The following SCAP variants were observed in gnomAD, a reference collection of about 807,000 sequenced individuals.
SCAP encodes the protein SREBF chaperone.
Under a neutral mutation model 123.6 loss-of-function variants are expected in SCAP, and 65 were observed. The observed-to-expected ratio is 0.53, with a 90% CI of 0.43 to 0.65. SCAP has a LOEUF of 0.65. Among genes scored for constraint, SCAP ranks in the 30% least tolerant of loss-of-function variants. The probability of loss-of-function intolerance (pLI) is 0.00; values close to 1 mark genes in which losing one functional copy is unlikely to be tolerated. For missense variants in SCAP, 1,398 were observed against 1,712.5 expected, an observed-to-expected ratio of 0.82 and a Z score of 3.24; for synonymous variants, 740 against 726.3, an observed-to-expected ratio of 1.02 and a Z score of -0.30.
At position 47,417,698 on chromosome 3, in the gene SCAP, C is replaced by CGGGGGCGGTGTCTCAGGG; in HGVS notation, c.2558_2575dup (p.Pro853_Pro858dup). On this transcript the variant is annotated inframe_insertion, in exon 17 of 23. Transcript: ENST00000265565. ...GAAGAGGGAAGGCGGCGGAGGGCCC[C>CGGGGGCGGTGTCTCAGGG]GGGGGCGGTGTCTCAGGGGAGGGCT... The CGGGGGCGGTGTCTCAGGG allele has an allele frequency of 1.2e-6, 2 of 1,607,838 alleles. No homozygotes were observed. Among genetic ancestry groups the CGGGGGCGGTGTCTCAGGG allele is most frequent in the Non-Finnish European group, 1.7e-6 (2 of 1,178,460 alleles).
At chr3:47,473,862 A>C (rs1708163054) in intron 1 of SCAP, among the ~76,000 whole-genome samples, 1 of 152,146 alleles carries the variant, frequency 6.6e-6, no homozygotes, top group Non-Finnish European at 1.5e-5. Context: ...CTTTTTACCC[A>C]CCTAATGACA....
Position 47,423,940 on chromosome 3 carries a change from G to C in SCAP, c.1143C>G (p.Ile381Met). 6.2e-7 allele frequency: 1 copy of C among 1,613,328 alleles called. No individual in the cohort carries two copies. The highest frequency in any genetic ancestry group is 8.5e-7 in the Non-Finnish European group (1 of 1,179,298). ...TPVDLEVKLR[I>M]AQGLSSESWS... is the part of the protein sequence containing the mutation. ...ACTCTCCCACTGCGTTACCTTGGGC[G>C]ATCCGCAGCTTCACCTCCAGGTCTA... The change falls in exon 9 of 23, where the codon ATC (isoleucine) becomes ATG (methionine). Residue 381 changes from isoleucine to methionine, a missense_variant. Transcript: ENST00000265565.
rs561796480 is a variant in SCAP at position 47,437,667 on chromosome 3, G to A, written c.123-2530C>T. ...CTTAAGTGGGAGGATCGCTTGAGCC[G>A]GGAGGCTGAGGCTGCAATAAGCCAT... On this transcript the variant is annotated intron_variant, in intron 2 of 22. Transcript: ENST00000265565. 3.2e-4 allele frequency among the ~76,000 whole-genome samples: 48 copies of A among 152,064 alleles called. No homozygotes were observed. The South Asian group carries it at 6.4e-3, about 20-fold the overall frequency.
At chr3:47,465,444 T>C (rs1707787856) in intron 1 of SCAP, among the ~76,000 whole-genome samples, 3 of 152,140 alleles carry the variant, frequency 2.0e-5, no homozygotes, top group Admixed American at 2.0e-4. Flanking sequence ...ACGCAATCCA[T>C]ATCAAAATGC....
chr3:47,452,512 C>T (rs894888521), intron 1 of SCAP, among the ~76,000 whole-genome samples: 1 of 152,148 alleles, frequency 6.6e-6, no homozygotes, highest in African/African-American at 2.4e-5. Flanking sequence ...GCTAATAATC[C>T]CCTCTCTCTG....
chr3:47,462,572 T>C (rs950344771), intron 1 of SCAP, among the ~76,000 whole-genome samples: 1 of 151,816 alleles, frequency 6.6e-6, no homozygotes, highest in Non-Finnish European at 1.5e-5. Flanking sequence ...GCTAACACGG[T>C]GAAACCCCGT....
rs970080929 is a variant in SCAP at position 47,413,834 on chromosome 3, TG to T, written c.*19del. 1.9e-6 allele frequency: 3 copies of T among 1,605,420 alleles called. No individual in the cohort carries two copies. The African/African-American group carries it at 4.0e-5, about 21-fold the overall frequency. On this transcript the variant is annotated 3_prime_UTR_variant, in exon 23 of 23. Transcript: ENST00000265565. The stretch of plus-strand genomic sequence containing the variant: ...CCACACAGCACCCCAGCCTCCTGCC[TG>T]GGCAAGGAGGCCCTGCGCTCAGTCC...
intron 1 of SCAP, 184 bp downstream of exon 1, chr3:47,475,615 G>A (rs1005048462): frequency 6.6e-6 from 1 of 152,270 alleles, no homozygotes; most frequent in Non-Finnish European, 1.5e-5. Flanking sequence ...TTGGGGGTGG[G>A]GACGCGCGGC....
chr3:47,419,783 G>A lies in SCAP; in HGVS notation c.1564-79C>T. 1 of 1,472,554 alleles carries A rather than the reference G, an allele frequency of 6.8e-7. No individual in the cohort carries two copies. The highest frequency in any genetic ancestry group is 9.1e-7 in the Non-Finnish European group (1 of 1,104,036). 91.2% of individuals were successfully genotyped at this position (1,472,554 alleles called of 1,614,324 possible). ...GCTTCAGCCCTCATGCTGAGAGGAA[G>A]CAGCACAGGGACCTCAGGCCTGGGG... On this transcript the variant is annotated intron_variant, in intron 12 of 22. Coordinates refer to ENST00000265565, the MANE Select transcript of SCAP (RefSeq NM_012235.4). This position sits in a 1 kb window ranked among gnomAD's most constrained non-coding sequence, Gnocchi z 5.0.
Position 47,414,933 on chromosome 3 carries a change from G to A in SCAP, c.3200C>T (p.Ala1067Val), listed in dbSNP as rs1305127011. 8 of 1,612,298 alleles carry A rather than the reference G, an allele frequency of 5.0e-6. No homozygotes were observed. The highest frequency in any genetic ancestry group is 1.3e-5 in the African/African-American group (1 of 74,918). ...SPVYSSSDTV[A>V]CHLTHTVPCA... is the part of the protein sequence containing the mutation. ...GGGCACTGTGTGGGTCAGGTGACAG[G>A]CCACTGTGTCGCTGCTGCTGTACAC... Residue 1067 changes from alanine to valine, a missense_variant, in exon 20 of 23, where the codon GCC becomes GTC. Ala to Val is a moderately conservative substitution (Grantham distance 64). This residue lies in a region of SCAP where 828 missense variants were observed against 882.5 expected (regional missense o/e 0.94). Transcript: ENST00000265565.
chr3:47,475,843 C>T lies in SCAP; in HGVS notation c.-143G>A. On this transcript the variant is annotated 5_prime_UTR_variant, in exon 1 of 23. Transcript: ENST00000265565. Reference sequence around the variant, plus strand: ...CAAGCTGCGGCGGCGGCGGCGGCGGCGACGGGGGCGGCAGCAGGGGCGGAG... The same window carrying T: ...CAAGCTGCGGCGGCGGCGGCGGCGGTGACGGGGGCGGCAGCAGGGGCGGAG... 6.2e-6 allele frequency: 1 copy of T among 160,956 alleles called. No homozygotes were observed. Among genetic ancestry groups the T allele is most frequent in the Non-Finnish European group, 1.3e-5 (1 of 74,932 alleles). 10.0% of individuals were successfully genotyped at this position (160,956 alleles called of 1,614,324 possible).
At chr3:47,418,005 G>T (rs1335716976) in intron 16 of SCAP, 129 bp downstream of exon 16, 6 of 586,970 alleles carry the variant, frequency 1.0e-5, no homozygotes, top group East Asian at 3.2e-5. Context: ...GTGCGGGGGT[G>T]GGGGGAGAGG....
chr3:47,422,031 A>G (rs1449210186), intron 10 of SCAP, among the ~76,000 whole-genome samples: 4 of 152,276 alleles, frequency 2.6e-5, no homozygotes. Flanking sequence ...AAGGGAGGAG[A>G]CCGGAGGAAG....
intron 3 of SCAP, among the ~76,000 whole-genome samples, chr3:47,429,798 T>A (rs1706287725): frequency 6.6e-6 from 1 of 152,188 alleles, no homozygotes; most frequent in Non-Finnish European, 1.5e-5. Flanking sequence ...ACAGAGGCCG[T>A]CTGGCCCGCA....
intron 2 of SCAP, among the ~76,000 whole-genome samples, chr3:47,440,940 T>A (rs975295620): frequency 6.6e-6 from 1 of 151,848 alleles, no homozygotes. Context: ...TCTCACTCTT[T>A]CGCCAGGCTA....
At chr3:47,462,753 CAAAAAAA>C (rs369097240) in intron 1 of SCAP, among the ~76,000 whole-genome samples, 16 of 79,612 alleles carry the variant, frequency 2.0e-4, no homozygotes, top group Non-Finnish European at 3.0e-4. Context: ...AACTCCGTCT[CAAAAAAA>C]AAAAAAAAAA....
chr3:47,456,724 G>A (rs1048078833), intron 1 of SCAP, among the ~76,000 whole-genome samples: 2 of 151,832 alleles, frequency 1.3e-5, no homozygotes, highest in Non-Finnish European at 2.9e-5. Context: ...GAGATCATCC[G>A]AGATCGTGTG....
At chr3:47,471,063 G>A (rs1033037957) in intron 1 of SCAP, among the ~76,000 whole-genome samples, 2 of 152,036 alleles carry the variant, frequency 1.3e-5, no homozygotes, top group African/African-American at 2.4e-5. Context: ...AGGTACACAA[G>A]GGCTTATTGC....
At chr3:47,462,753 CAAAAAAAA>C (rs369097240) in intron 1 of SCAP, among the ~76,000 whole-genome samples, 3 of 79,648 alleles carry the variant, frequency 3.8e-5, no homozygotes, top group South Asian at 4.0e-4. Context: ...AACTCCGTCT[CAAAAAAAA>C]AAAAAAAAAA....
Sources: gnomAD v4.1 joint callset for allele counts (sites outside exome capture counted in the v4.1 genomes callset) on GRCh38, gnomAD v4.1.1 for gene constraint, gnomAD v4.1.1 regional missense constraint, Gnocchi (gnomAD v3.1) non-coding constraint, MANE v1.5 for transcripts, NCBI Gene and HGNC (gene_info 2026-07-23, HGNC 2026-07-21) for gene names.